Variants in LMX1A observed in about 807,000 individuals in gnomAD.
The protein encoded by LMX1A is LIM homeobox transcription factor 1 alpha.
In LMX1A, 15 loss-of-function variants were observed where a neutral mutation model predicts 49.1. The ratio of observed to expected loss-of-function variants is 0.31; its 90% CI spans 0.20 to 0.47. The LOEUF is 0.47. LMX1A is among the 20% of genes least tolerant of loss of function. LMX1A has a pLI of 1.00. For synonymous variants in LMX1A, 167 were observed against 185.7 expected (o/e 0.90, Z 0.82); for missense variants, 372 against 475.8 (o/e 0.78, Z 2.03).
chr1:165,249,021 G>A (rs1652957041), intron 4 of LMX1A, among the ~76,000 whole-genome samples: 1 of 152,298 alleles, frequency 6.6e-6, no homozygotes, highest in East Asian at 1.9e-4. Flanking sequence ...CTGGATCCTG[G>A]AATGAATGGC....
chr1:165,265,299 G>T (rs1203813553), intron 3 of LMX1A, among the ~76,000 whole-genome samples: 1 of 152,060 alleles, frequency 6.6e-6, no homozygotes, highest in East Asian at 1.9e-4. Context: ...TGCAAAAATA[G>T]GAAGTTGCAG....
At chr1:165,346,863 G>A (rs529346909) in intron 3 of LMX1A, among the ~76,000 whole-genome samples, 1 of 152,212 alleles carries the variant, frequency 6.6e-6, no homozygotes, top group East Asian at 1.9e-4. Context: ...ATTAACACCA[G>A]GGCCATAGCA....
At position 165,343,581 on chromosome 1, in the gene LMX1A, G is replaced by A. The variant is rs368114185; in HGVS notation, c.263+9495C>T. 1.5e-4 allele frequency among the ~76,000 whole-genome samples: 23 copies of A among 152,234 alleles called. No homozygotes were observed. In the East Asian group the frequency reaches 1.9e-3, roughly 13 times the overall value. On this transcript the variant is annotated intron_variant, in intron 3 of 8. Transcript: ENST00000342310. ...GACACCTGTTGACAATAGGACATGC[G>A]TTTCAAATTACTTTTTCAGTAATGG...
chr1:165,206,136 T>C, intron 7 of LMX1A, 102 bp from the exon 8 acceptor site: 1 of 1,143,062 alleles, frequency 8.7e-7, no homozygotes, highest in Non-Finnish European at 1.2e-6. Context: ...TGGGATGAGG[T>C]GACATCAGTG....
intron 3 of LMX1A, among the ~76,000 whole-genome samples, chr1:165,306,853 A>C (rs72702447): frequency 6.6e-6 from 1 of 152,318 alleles, no homozygotes; most frequent in South Asian, 2.1e-4. Context: ...TCCACTCTCC[A>C]GTCCTTGTTG....
At position 165,213,732 on chromosome 1, in the gene LMX1A, T is replaced by C. The variant is rs1429201431; in HGVS notation, c.578A>G (p.Lys193Arg). The change falls in exon 5 of 9, where the codon AAG becomes AGG. Residue 193 changes from lysine (K) to arginine (R), a missense_variant. By Grantham distance (26) the Lys-to-Arg change is conservative. Transcript: ENST00000342310. ...KGTAEEGKDHKRPKRPRTILT... is the reference protein window; with the variant it reads ...KGTAEEGKDHRRPKRPRTILT... Reference sequence around the variant, plus strand: ...GATGGTTCTCGGACGTTTGGGGCGCTTATGGTCCTTGCCTTCCTCAGCAGT... The same window carrying C: ...GATGGTTCTCGGACGTTTGGGGCGCCTATGGTCCTTGCCTTCCTCAGCAGT... The C allele has an allele frequency of 6.2e-7, 1 of 1,614,186 alleles. No homozygotes were observed. Among genetic ancestry groups the C allele is most frequent in the East Asian group, 2.2e-5 (1 of 44,882 alleles).
intron 3 of LMX1A, among the ~76,000 whole-genome samples, chr1:165,275,847 ATGTGTGTGTGTGTGTG>A (rs529022372): frequency 1.4e-4 from 19 of 139,078 alleles, no homozygotes; most frequent in African/African-American, 4.9e-4. Context: ...GTGTGTGTGT[ATGTGTGTGTGTGTGTG>A]TGTGTGTGTG....
At chr1:165,346,816 C>A (rs533323953) in intron 3 of LMX1A, among the ~76,000 whole-genome samples, 13 of 152,206 alleles carry the variant, frequency 8.5e-5, no homozygotes, top group Non-Finnish European at 1.5e-4. Context: ...GTGTTTACAC[C>A]TCCTTTTTAG....
intron 4 of LMX1A, among the ~76,000 whole-genome samples, chr1:165,245,934 G>A (rs193187147): frequency 9.2e-5 from 14 of 151,778 alleles, no homozygotes; most frequent in Admixed American, 9.2e-4. Flanking sequence ...AAATAAACCT[G>A]CCTTCTGTGT....
chr1:165,295,657 A>G (rs1275126748), intron 3 of LMX1A, among the ~76,000 whole-genome samples: 2 of 152,068 alleles, frequency 1.3e-5, no homozygotes, highest in African/African-American at 4.8e-5. Flanking sequence ...CTTGTGTGTA[A>G]AAGTGGAGAT....
intron 4 of LMX1A, among the ~76,000 whole-genome samples, chr1:165,241,073 T>C (rs1571171121): frequency 6.6e-6 from 1 of 152,204 alleles, no homozygotes; most frequent in Non-Finnish European, 1.5e-5. Context: ...GTCTTCTGCA[T>C]TGACTTTCCA....
intron 4 of LMX1A, among the ~76,000 whole-genome samples, chr1:165,236,339 A>G (rs1300080271): frequency 6.6e-6 from 1 of 151,958 alleles, no homozygotes; most frequent in Non-Finnish European, 1.5e-5. Context: ...TCATAAATCA[A>G]TCAAACAAAA....
In LMX1A at chr1:165,206,048, A is replaced by C; in HGVS notation, c.818-14T>G. 6.6e-7 allele frequency: 1 copy of C among 1,523,998 alleles called. No homozygotes were observed. Among genetic ancestry groups the C allele is most frequent in the Non-Finnish European group, 8.8e-7 (1 of 1,137,266 alleles). 94.4% of individuals were successfully genotyped at this position (1,523,998 alleles called of 1,614,324 possible). On this transcript the variant is annotated splice_polypyrimidine_tract_variant and intron_variant, in intron 7 of 8. Transcript: ENST00000342310. ...CGTTTGTCTGAGCTGTGGAACAAAG[A>C]AGAAGCCAGGTCATTCTCAACGTGC... is the stretch of plus-strand genomic sequence containing the variant.
Position 165,202,727 on chromosome 1 carries a change from T to C in LMX1A, c.*1153A>G, listed in dbSNP as rs1571140356. On this transcript the variant is annotated 3_prime_UTR_variant, in exon 9 of 9. Coordinates refer to ENST00000342310, the MANE Select transcript of LMX1A (RefSeq NM_177398.4). ...CTTCACCTCCTCCCCACTCTGGGAC[T>C]CTGGGATCCCTCTGAACTGCTCTGA... 2 of 152,612 alleles carry C rather than the reference T, an allele frequency of 1.3e-5. No individual in the cohort carries two copies. The highest frequency in any genetic ancestry group is 1.3e-4 in the Admixed American group (2 of 15,286). 9.5% of individuals were successfully genotyped at this position (152,612 alleles called of 1,614,324 possible).
intron 3 of LMX1A, 84 bp downstream of exon 3, chr1:165,352,992 A>G (rs1336502150): frequency 1.3e-5 from 18 of 1,400,452 alleles, no homozygotes; most frequent in Non-Finnish European, 1.7e-5. Context: ...CCTTCCAGAA[A>G]AGGACTAGGG....
At position 165,355,868 on chromosome 1, in the gene LMX1A, T is replaced by G; in HGVS notation, c.-22-287A>C. ...CCCCCTCACCCCCACCTACATCCCT[T>G]GCCCCAGGTTTTCCATCCCGAATCC... On this transcript the variant is annotated intron_variant, in intron 1 of 8. Transcript: ENST00000342310. The surrounding 1 kb of genome is among the most constrained non-coding windows in gnomAD (Gnocchi z 4.7). The G allele has an allele frequency of 2.5e-6, 1 of 400,438 alleles. No individual in the cohort carries two copies. 24.8% of individuals were successfully genotyped at this position (400,438 alleles called of 1,614,324 possible). A position where few individuals can be genotyped will look rare whatever the true frequency, so the allele number is the denominator to read the frequency against.
At chr1:165,259,042 T>C (rs776392704) in intron 3 of LMX1A, among the ~76,000 whole-genome samples, 67 of 152,360 alleles carry the variant, frequency 4.4e-4, no homozygotes, top group Admixed American at 5.2e-4. Context: ...TAACTCCCTT[T>C]ATTAAAATCA....
intron 4 of LMX1A, among the ~76,000 whole-genome samples, chr1:165,247,498 T>A (rs1023238772): frequency 3.3e-5 from 5 of 152,192 alleles, no homozygotes; most frequent in Non-Finnish European, 7.3e-5. Flanking sequence ...AGTGCCAGTG[T>A]TCCTGACAAG....
intron 3 of LMX1A, among the ~76,000 whole-genome samples, chr1:165,340,108 T>C (rs1396857129): frequency 2.0e-5 from 3 of 152,088 alleles, no homozygotes; most frequent in African/African-American, 4.8e-5. Flanking sequence ...CTAGCAAACC[T>C]AGTTTGTTTG....
Sources: gnomAD v4.1 joint callset for allele counts (sites outside exome capture counted in the v4.1 genomes callset) on GRCh38, gnomAD v4.1.1 for gene constraint, Gnocchi (gnomAD v3.1) non-coding constraint, MANE v1.5 for transcripts, NCBI Gene and HGNC (gene_info 2026-07-23, HGNC 2026-07-21) for gene names.